Variants in AKAP6 observed in about 807,000 individuals in gnomAD.
The protein encoded by AKAP6 is A-kinase anchoring protein 6, also known as A-kinase anchor protein 6.
A neutral mutation model predicts 188.5 loss-of-function variants in AKAP6; 58 were observed. That is an observed-to-expected ratio of 0.31 (90% confidence interval 0.25 to 0.38). The LOEUF (loss-of-function observed/expected upper bound fraction) is 0.38, where lower values mean the gene tolerates loss of function less well. Ranked by LOEUF, AKAP6 falls within the 10% of genes least tolerant of loss-of-function variation. AKAP6 has a pLI of 1.00. For missense variants in AKAP6, 2,710 were observed against 2,740.0 expected, an observed-to-expected ratio of 0.99 and a Z score of 0.24; for synonymous variants, 989 against 998.6, an observed-to-expected ratio of 0.99 and a Z score of 0.18.
chr14:32,764,731 T>C (rs2032653430), intron 11 of AKAP6, among the ~76,000 whole-genome samples: 2 of 151,798 alleles, frequency 1.3e-5, no homozygotes, highest in South Asian at 2.1e-4. Flanking sequence ...CACACACATA[T>C]TGTAGTGTTG....
At chr14:32,729,357 G>A (rs560209142) in intron 9 of AKAP6, among the ~76,000 whole-genome samples, 1 of 152,118 alleles carries the variant, frequency 6.6e-6, no homozygotes, top group African/African-American at 2.4e-5. Context: ...AAGTCTTCAT[G>A]CATTTCTAAG....
chr14:32,681,552 A>T (rs1043300088), intron 8 of AKAP6, among the ~76,000 whole-genome samples: 1 of 152,198 alleles, frequency 6.6e-6, no homozygotes, highest in African/African-American at 2.4e-5. Context: ...GAACTAAGGT[A>T]TCTTCCTACT....
intron 2 of AKAP6, among the ~76,000 whole-genome samples, chr14:32,532,982 G>T (rs1311925872): frequency 1.3e-5 from 2 of 152,154 alleles, no homozygotes; most frequent in Non-Finnish European, 2.9e-5. Flanking sequence ...ACAAATAGAG[G>T]TTGGTGGCAT....
chr14:32,829,684 G>A (rs2034777443), intron 13 of AKAP6, among the ~76,000 whole-genome samples, 164 bp from the exon 14 acceptor site: 1 of 151,186 alleles, frequency 6.6e-6, no homozygotes, highest in Non-Finnish European at 1.5e-5. Context: ...GTAATGTGAA[G>A]CTTGGGCTAT....
At chr14:32,377,584 G>T (rs1594556337) in intron 1 of AKAP6, among the ~76,000 whole-genome samples, 1 of 152,170 alleles carries the variant, frequency 6.6e-6, no homozygotes. Context: ...TCACAGGAGT[G>T]TGGAGATTCC....
At chr14:32,707,360 C>T (rs1295912) in intron 9 of AKAP6, among the ~76,000 whole-genome samples, 131,270 of 152,020 alleles carry the variant, frequency 0.86, 56,804 homozygotes, top group South Asian at 0.95. Flanking sequence ...TCTTGGCATA[C>T]TGGATTTTAC....
intron 2 of AKAP6, among the ~76,000 whole-genome samples, chr14:32,442,832 A>G (rs17410108): frequency 0.025 from 3,800 of 152,092 alleles, 68 homozygotes; most frequent in South Asian, 0.041. Context: ...TGTCATAGCT[A>G]CCTTGAATAA....
At chr14:32,570,291 CA>C (rs1181405365) in intron 4 of AKAP6, among the ~76,000 whole-genome samples, 1 of 135,000 alleles carries the variant, frequency 7.4e-6, no homozygotes, top group African/African-American at 2.8e-5. Context: ...CCACCACGCC[CA>C]GCTGATTTTT....
chr14:32,744,380 A>G (rs747413310), intron 11 of AKAP6, among the ~76,000 whole-genome samples: 1 of 152,026 alleles, frequency 6.6e-6, no homozygotes, highest in Non-Finnish European at 1.5e-5. Context: ...GCAGTGGCAC[A>G]ATCTCGGCTC....
At chr14:32,519,147 G>A (rs984935277) in intron 2 of AKAP6, among the ~76,000 whole-genome samples, 1 of 152,188 alleles carries the variant, frequency 6.6e-6, no homozygotes, top group Non-Finnish European at 1.5e-5. Flanking sequence ...CAAATGCTGA[G>A]AGATTTTGTC....
rs1040474849 is a variant in AKAP6 at position 32,836,731 on chromosome 14, T to C, written c.*6926T>C. Reference sequence around the variant, plus strand: ...ACACCATATTTAAGAGCCACTGCTATTGAGGCTTGCACTCTCTTGCTTGAA... The same window carrying C: ...ACACCATATTTAAGAGCCACTGCTACTGAGGCTTGCACTCTCTTGCTTGAA... On this transcript the variant is annotated 3_prime_UTR_variant, in exon 14 of 14. Transcript: ENST00000280979. 17 of 152,284 alleles carry C rather than the reference T, an allele frequency of 1.1e-4. No individual in the cohort carries two copies. The highest frequency in any genetic ancestry group is 7.8e-4 in the Admixed American group (12 of 15,296). The allele number at this position is 152,284 out of a possible 1,614,324, so 9.4% of individuals were successfully genotyped here.
intron 2 of AKAP6, among the ~76,000 whole-genome samples, chr14:32,487,989 A>G (rs1324565539): frequency 6.6e-6 from 1 of 152,138 alleles, no homozygotes; most frequent in East Asian, 1.9e-4. Flanking sequence ...CCCTGCTGGG[A>G]GGTATCTCCT....
intron 1 of AKAP6, among the ~76,000 whole-genome samples, chr14:32,343,505 T>C (rs912197215): frequency 1.3e-5 from 2 of 151,688 alleles, no homozygotes; most frequent in Non-Finnish European, 2.9e-5. Flanking sequence ...CCCCAGCACT[T>C]TGGGAGGCCG....
At chr14:32,560,563 G>A (rs1883913192) in intron 4 of AKAP6, among the ~76,000 whole-genome samples, 1 of 152,132 alleles carries the variant, frequency 6.6e-6, no homozygotes, top group Non-Finnish European at 1.5e-5. Context: ...GGTGAAAATA[G>A]TTCTTTGTAA....
intron 2 of AKAP6, among the ~76,000 whole-genome samples, chr14:32,439,940 CG>C (rs1566503558): frequency 1.3e-5 from 2 of 151,974 alleles, no homozygotes. Flanking sequence ...TTCTTTTCTG[CG>C]AAGAGTAGTT....
chr14:32,364,258 G>T (rs891112144), intron 1 of AKAP6, among the ~76,000 whole-genome samples: 3 of 152,212 alleles, frequency 2.0e-5, no homozygotes, highest in African/African-American at 7.2e-5. Context: ...ATTTGGAACA[G>T]TTCATTATAG....
At chr14:32,761,433 A>G (rs939609368) in intron 11 of AKAP6, among the ~76,000 whole-genome samples, 5 of 152,202 alleles carry the variant, frequency 3.3e-5, no homozygotes, top group African/African-American at 9.6e-5. Flanking sequence ...GCTTGTTAGA[A>G]AATTAAGAAT....
chr14:32,746,281 C>T (rs942758005), intron 11 of AKAP6, among the ~76,000 whole-genome samples: 7 of 152,138 alleles, frequency 4.6e-5, no homozygotes, highest in Admixed American at 2.0e-4. Context: ...TGCTAAGTCT[C>T]ACCTGAAGCC....
intron 11 of AKAP6, among the ~76,000 whole-genome samples, chr14:32,766,631 T>G (rs1948859629): frequency 1.3e-5 from 2 of 152,172 alleles, no homozygotes; most frequent in African/African-American, 2.4e-5. Context: ...TTTTTGCCAT[T>G]TGTATGTGTT....
Sources: gnomAD v4.1 joint callset for allele counts (sites outside exome capture counted in the v4.1 genomes callset) on GRCh38, gnomAD v4.1.1 for gene constraint, MANE v1.5 for transcripts, NCBI Gene and HGNC (gene_info 2026-07-23, HGNC 2026-07-21) for gene names.